ITCH: variants seen among roughly 807,000 people sequenced by gnomAD.
ITCH encodes E3 ubiquitin-protein ligase Itchy homolog.
A neutral mutation model predicts 126.8 loss-of-function variants in ITCH; 28 were observed. The ratio of observed to expected loss-of-function variants is 0.22; its 90% CI spans 0.16 to 0.30. The LOEUF is 0.30. Ranked by LOEUF, ITCH falls within the 10% of genes least tolerant of loss-of-function variation. ITCH has a pLI of 1.00. For missense variants in ITCH, 631 were observed against 1,032.4 expected, an observed-to-expected ratio of 0.61 and a Z score of 5.33; for synonymous variants, 342 against 340.0, an observed-to-expected ratio of 1.01 and a Z score of -0.06.
At chr20:34,455,756 G>C (rs1320042794) in intron 12 of ITCH, among the ~76,000 whole-genome samples, 1 of 151,902 alleles carries the variant, frequency 6.6e-6, no homozygotes, top group East Asian at 1.9e-4. Flanking sequence ...AGAATTACAG[G>C]CATGAGCTAC....
chr20:34,507,291 G>GTTTTTTTTTTTTTTTTTTTT (rs1990698534), intron 24 of ITCH, among the ~76,000 whole-genome samples: 7 of 31,342 alleles, frequency 2.2e-4, no homozygotes, highest in Non-Finnish European at 2.5e-4. Context: ...TTTTTTTTTG[G>GTTTTTTTTTTTTTTTTTTTT]TTGTTGTTGT....
rs1437961014 is a variant in ITCH at position 34,509,466 on chromosome 20, C to G, written c.*1672C>G. The stretch of plus-strand genomic sequence containing the variant: ...GTCCCTAATGTTCTTCCTTTTACAT[C>G]CTGGAACAACAATAAAAACATTTTT... On this transcript the variant is annotated 3_prime_UTR_variant, in exon 25 of 25. Transcript: ENST00000374864. The G allele has an allele frequency of 6.6e-6, 1 of 152,612 alleles. No individual in the cohort carries two copies. The highest frequency in any genetic ancestry group is 1.9e-4 in the East Asian group (1 of 5,204). The allele number at this position is 152,612 out of a possible 1,614,324, so 9.5% of individuals were successfully genotyped here.
chr20:34,386,094 TG>T (rs1367399909), intron 2 of ITCH, among the ~76,000 whole-genome samples: 1 of 149,534 alleles, frequency 6.7e-6, no homozygotes, highest in Non-Finnish European at 1.5e-5. Context: ...TCGGCTCCTT[TG>T]TTTTTTTTTT....
intron 12 of ITCH, among the ~76,000 whole-genome samples, chr20:34,451,269 G>A (rs895606288): frequency 4.0e-5 from 6 of 148,836 alleles, no homozygotes; most frequent in Non-Finnish European, 7.4e-5. Context: ...CAGCATAGGC[G>A]ACAGAGCGAG....
chr20:34,399,275 C>T (rs930441373), intron 3 of ITCH, among the ~76,000 whole-genome samples: 1 of 152,006 alleles, frequency 6.6e-6, no homozygotes, highest in African/African-American at 2.4e-5. Flanking sequence ...GCCTGTAATT[C>T]CAGCTACTCG....
rs991955323 is a variant in ITCH at position 34,389,520 on chromosome 20, A to G, written c.-21-4271A>G. ...AAGGAACTGCAGACTAGATGCTACAAAAGAGAAACACTTGAGGGTGAAAAA... is the reference window on the plus strand; with the variant it reads ...AAGGAACTGCAGACTAGATGCTACAGAAGAGAAACACTTGAGGGTGAAAAA... On this transcript the variant is annotated intron_variant, in intron 2 of 24. Transcript: ENST00000374864. 2.6e-5 allele frequency among the ~76,000 whole-genome samples: 4 copies of G among 152,256 alleles called. No homozygotes were observed. In the East Asian group the frequency reaches 7.7e-4, roughly 29 times the overall value.
intron 20 of ITCH, 49 bp downstream of exon 20, chr20:34,481,255 T>C (rs111660451): frequency 1.9e-6 from 3 of 1,566,424 alleles, no homozygotes; most frequent in South Asian, 1.1e-5. Flanking sequence ...CTACAGCACA[T>C]TGATAATTGC....
Position 34,440,214 on chromosome 20 carries a change from C to A in ITCH, c.739C>A (p.Leu247Met), listed in dbSNP as rs781452901. ...AAGTGATGGGTCTAGTACAGGCTCT[C>A]TGCCGCCGACAAATACAAATACAAA... ...SESDGSSTGS[L>M]PPTNTNTNTS... Residue 247 changes from leucine (L) to methionine (M), a missense_variant, in exon 9 of 25, where the codon CTG becomes ATG. By Grantham distance (15) the Leu-to-Met change is conservative (BLOSUM62 2). Transcript: ENST00000374864. The A allele has an allele frequency of 6.2e-7, 1 of 1,613,768 alleles. No homozygotes were observed. Among genetic ancestry groups the A allele is most frequent in the South Asian group, 1.1e-5 (1 of 91,072 alleles).
At chr20:34,378,848 T>C (rs2037947198) in intron 2 of ITCH, among the ~76,000 whole-genome samples, 1 of 152,130 alleles carries the variant, frequency 6.6e-6, no homozygotes, top group African/African-American at 2.4e-5. Context: ...AGAGTCTGGA[T>C]TATTTATTTA....
chr20:34,505,460 C>G (rs1226130880), intron 24 of ITCH, among the ~76,000 whole-genome samples: 2 of 152,158 alleles, frequency 1.3e-5, no homozygotes, highest in Non-Finnish European at 2.9e-5. Flanking sequence ...CCCTTTTTAC[C>G]CCGTGTAGCC....
intron 23 of ITCH, among the ~76,000 whole-genome samples, chr20:34,498,782 CT>C (rs377430689): frequency 2.7e-5 from 4 of 150,556 alleles, no homozygotes; most frequent in Non-Finnish European, 3.0e-5. Flanking sequence ...TCTTTTCCTC[CT>C]TTTTTTTTGT....
chr20:34,414,875 A>C (rs191530791), intron 6 of ITCH, among the ~76,000 whole-genome samples: 1 of 152,216 alleles, frequency 6.6e-6, no homozygotes, highest in African/African-American at 2.4e-5. Flanking sequence ...TTACAGAGAT[A>C]TCTTTTGACA....
At chr20:34,371,788 C>T (rs773662228) in intron 2 of ITCH, among the ~76,000 whole-genome samples, 4 of 152,164 alleles carry the variant, frequency 2.6e-5, no homozygotes, top group Non-Finnish European at 5.9e-5. Context: ...AGGAAACCTG[C>T]GTTCTACCAT....
intron 3 of ITCH, chr20:34,402,095 T>G: frequency 1.2e-6 from 1 of 822,060 alleles, no homozygotes; most frequent in Middle Eastern, 3.7e-4. Context: ...TAAACATTGC[T>G]TTTAGTATGA....
chr20:34,392,077 C>G (rs1166516365), intron 2 of ITCH, among the ~76,000 whole-genome samples: 1 of 152,040 alleles, frequency 6.6e-6, no homozygotes, highest in African/African-American at 2.4e-5. Flanking sequence ...TATTGTCGTT[C>G]TATGGCAATC....
chr20:34,401,935 A>G (rs547830191), intron 3 of ITCH, among the ~76,000 whole-genome samples: 11 of 152,236 alleles, frequency 7.2e-5, no homozygotes, highest in Admixed American at 7.2e-4. Context: ...GACAATATAC[A>G]ATTACTCAAA....
At chr20:34,476,457 GC>G (rs2146450640) in intron 16 of ITCH, 1 of 1,216,408 alleles carries the variant, frequency 8.2e-7, no homozygotes, top group Non-Finnish European at 1.0e-6. Flanking sequence ...GCAGCCGGGC[GC>G]CCCCAGCGGC....
At chr20:34,488,971 C>T (rs1036828675) in intron 20 of ITCH, among the ~76,000 whole-genome samples, 2 of 151,728 alleles carry the variant, frequency 1.3e-5, no homozygotes, top group Non-Finnish European at 2.9e-5. Context: ...CCCAGGAGGT[C>T]GAGACTGCAG....
At chr20:34,372,312 C>CACA (rs1555847291) in intron 2 of ITCH, among the ~76,000 whole-genome samples, 14 of 73,098 alleles carry the variant, frequency 1.9e-4, no homozygotes, top group Admixed American at 8.6e-4. Flanking sequence ...TACTTTGTCT[C>CACA]AAAAAAAAAA....
Sources: allele counts gnomAD v4.1 joint callset (sites outside exome capture counted in the v4.1 genomes callset), GRCh38; gene constraint gnomAD v4.1.1; transcripts MANE v1.5; gene names NCBI Gene and HGNC (gene_info 2026-07-23, HGNC 2026-07-21).